The following TGM3 variants were observed in gnomAD, a reference collection of about 807,000 sequenced individuals.
The protein encoded by TGM3 is transglutaminase 3, also known as protein-glutamine gamma-glutamyltransferase E.
Under a neutral mutation model 73.8 loss-of-function variants are expected in TGM3, and 52 were observed. The ratio of observed to expected loss-of-function variants is 0.70; its 90% CI spans 0.56 to 0.89. The LOEUF is 0.89. Among genes scored for constraint, TGM3 ranks in the 40% least tolerant of loss-of-function variants. TGM3 has a pLI of 0.00. For missense variants in TGM3, 928 were observed against 909.9 expected (o/e 1.02, Z -0.26); for synonymous variants, 372 against 354.9 (o/e 1.05, Z -0.54).
intron 7 of TGM3, among the ~76,000 whole-genome samples, chr20:2,324,729 G>T (rs1382226022): frequency 6.6e-6 from 1 of 152,152 alleles, no homozygotes; most frequent in East Asian, 1.9e-4. Context: ...AGAAAGCTGT[G>T]GGCTGCCTGT....
chr20:2,322,127 A>T (rs975257212), intron 7 of TGM3, among the ~76,000 whole-genome samples: 4 of 152,016 alleles, frequency 2.6e-5, no homozygotes, highest in African/African-American at 9.7e-5. Flanking sequence ...CCGATCATGA[A>T]GGCCTGTTCA....
At chr20:2,315,172 C>T (rs1431697916) in intron 5 of TGM3, among the ~76,000 whole-genome samples, 4 of 152,190 alleles carry the variant, frequency 2.6e-5, no homozygotes, top group Non-Finnish European at 5.9e-5. Flanking sequence ...GCGGCTCCTG[C>T]AGCTGCTGAC....
intron 6 of TGM3, 43 bp downstream of exon 6, chr20:2,317,288 A>G: frequency 6.2e-7 from 1 of 1,613,800 alleles, no homozygotes; most frequent in Non-Finnish European, 8.5e-7. Context: ...AGTGGGTGGC[A>G]GTGGGCTATG....
In TGM3 at chr20:2,335,228, G is replaced by A; in HGVS notation, c.1755G>A (p.Val585=). 2 of 1,614,222 alleles carry A rather than the reference G, an allele frequency of 1.2e-6. No individual in the cohort carries two copies. The highest frequency in any genetic ancestry group is 1.1e-5 in the South Asian group (1 of 91,086). The change falls in exon 11 of 13, where the codon GTG becomes GTA. Residue 585 remains valine (V), a synonymous_variant. Coordinates refer to ENST00000381458, the MANE Select transcript of TGM3 (RefSeq NM_003245.4). ...AGGTCCCAGATGAGTCTGAGGTGGT[G>A]GTGGAGCGGGACATCATCCTGGACA... is the stretch of plus-strand genomic sequence containing the variant. ...VCKVPDESEV[V]VERDIILDNP... is the part of the protein sequence containing the mutation.
chr20:2,322,436 C>T (rs1409518145), intron 7 of TGM3, among the ~76,000 whole-genome samples: 1 of 150,902 alleles, frequency 6.6e-6, no homozygotes, highest in Non-Finnish European at 1.5e-5. Flanking sequence ...TTTTACTAAA[C>T]ATTATATCAT....
In TGM3 at chr20:2,335,216, G is replaced by T; in HGVS notation, c.1743G>T (p.Glu581Asp). Residue 581 changes from glutamate (E) to aspartate (D), a missense_variant, in exon 11 of 13, where the codon GAG (glutamate) becomes GAT (aspartate). Glu to Asp is a conservative substitution (Grantham distance 45). Coordinates refer to ENST00000381458, the MANE Select transcript of TGM3 (RefSeq NM_003245.4). ...RITAVCKVPD[E>D]SEVVVERDII... ...CAGCGGTGTGCAAGGTCCCAGATGA[G>T]TCTGAGGTGGTGGTGGAGCGGGACA... 2 of 1,614,226 alleles carry T rather than the reference G, an allele frequency of 1.2e-6. No individual in the cohort carries two copies. The highest frequency in any genetic ancestry group is 1.7e-6 in the Non-Finnish European group (2 of 1,180,034).
Position 2,332,316 on chromosome 20 carries a change from G to A in TGM3, c.1642+6G>A, listed in dbSNP as rs41279944. 16,722 of 1,572,498 alleles carry A rather than the reference G, an allele frequency of 0.011. 123 individuals are homozygous for A. The highest frequency in any genetic ancestry group is 0.013 in the Non-Finnish European group (14,934 of 1,157,930). On this transcript the variant is annotated splice_donor_region_variant and intron_variant, in intron 10 of 12. Coordinates refer to ENST00000381458, the MANE Select transcript of TGM3 (RefSeq NM_003245.4). This position sits in a 1 kb window ranked among gnomAD's most constrained non-coding sequence, Gnocchi z 4.4. The stretch of plus-strand genomic sequence containing the variant: ...GTCCCTGGACCCTGAGGAAGGTAAC[G>A]CATCCCGCAGTTGGAGGAGATCCAC...
chr20:2,300,088 C>T (rs148298151), intron 1 of TGM3, among the ~76,000 whole-genome samples: 27 of 129,356 alleles, frequency 2.1e-4, no homozygotes, highest in African/African-American at 7.7e-4. Flanking sequence ...GCTTGGGCAA[C>T]AGAGAGAGAC....
At chr20:2,311,869 C>G (rs924656299) in intron 4 of TGM3, among the ~76,000 whole-genome samples, 1 of 151,774 alleles carries the variant, frequency 6.6e-6, no homozygotes, top group African/African-American at 2.4e-5. Flanking sequence ...TAGAAAGGAG[C>G]CTTTGATCAG....
chr20:2,312,074 C>A (rs1389961892), intron 4 of TGM3, among the ~76,000 whole-genome samples: 5 of 152,146 alleles, frequency 3.3e-5, no homozygotes, highest in Admixed American at 6.6e-5. Context: ...ATTTTTATAA[C>A]TAGTTCTCCA....
intron 1 of TGM3, among the ~76,000 whole-genome samples, chr20:2,306,529 T>A (rs2084177646): frequency 6.7e-6 from 1 of 148,270 alleles, no homozygotes; most frequent in Non-Finnish European, 1.5e-5. Context: ...CAGGCTGGAG[T>A]GCAGTGGCAT....
At chr20:2,302,608 G>T (rs368763113) in intron 1 of TGM3, among the ~76,000 whole-genome samples, 1 of 150,426 alleles carries the variant, frequency 6.6e-6, no homozygotes, top group Non-Finnish European at 1.5e-5. Context: ...TAAGATGTCC[G>T]CTAGAGGCTT....
At chr20:2,335,598 C>T (rs1273320041) in intron 11 of TGM3, among the ~76,000 whole-genome samples, 1 of 152,234 alleles carries the variant, frequency 6.6e-6, no homozygotes, top group Admixed American at 6.5e-5. Context: ...ATTCCCTTCT[C>T]ACTCAGCTAC....
chr20:2,314,192 C>T (rs886772889), intron 5 of TGM3, among the ~76,000 whole-genome samples: 1 of 151,764 alleles, frequency 6.6e-6, no homozygotes. Flanking sequence ...AAAAATTAGC[C>T]AAGCATGGTG....
chr20:2,311,187 G>A, intron 4 of TGM3, 58 bp downstream of exon 4: 1 of 1,411,842 alleles, frequency 7.1e-7, no homozygotes, highest in Non-Finnish European at 1.0e-6. Flanking sequence ...AAGCTCAGCA[G>A]CTTGCCCCAC....
intron 1 of TGM3, among the ~76,000 whole-genome samples, chr20:2,301,939 G>A (rs1035547212): frequency 3.9e-5 from 6 of 152,352 alleles, no homozygotes; most frequent in African/African-American, 1.4e-4. Flanking sequence ...GACCTCAGGT[G>A]ATCTTCCTGC....
At position 2,311,141 on chromosome 20, in the gene TGM3, A is replaced by G; in HGVS notation, c.540+12A>G. The G allele has an allele frequency of 1.9e-6, 3 of 1,609,530 alleles. No homozygotes were observed. The highest frequency in any genetic ancestry group is 2.6e-6 in the Non-Finnish European group (3 of 1,175,830). On this transcript the variant is annotated intron_variant, in intron 4 of 12. Coordinates refer to ENST00000381458, the MANE Select transcript of TGM3 (RefSeq NM_003245.4). ...GGAACTTTGGACAGGTAAAAGGGTCATAAGGAAGCTAAGGGTAATGTCCCT... is the reference window on the plus strand; with the variant it reads ...GGAACTTTGGACAGGTAAAAGGGTCGTAAGGAAGCTAAGGGTAATGTCCCT...
intron 11 of TGM3, among the ~76,000 whole-genome samples, chr20:2,339,234 G>A (rs2084367207): frequency 6.6e-6 from 1 of 152,210 alleles, no homozygotes; most frequent in Non-Finnish European, 1.5e-5. Context: ...CAGCTGTGGG[G>A]CCTGGGGCTG....
At chr20:2,330,725 GC>G (rs776905872) in intron 9 of TGM3, among the ~76,000 whole-genome samples, 69 of 152,290 alleles carry the variant, frequency 4.5e-4, no homozygotes, top group Middle Eastern at 3.4e-3. Flanking sequence ...AGTCATCTGG[GC>G]CAGGTGAAGT....
Sources: allele counts gnomAD v4.1 joint callset (sites outside exome capture counted in the v4.1 genomes callset), GRCh38; gene constraint gnomAD v4.1.1; non-coding constraint Gnocchi (gnomAD v3.1); transcripts MANE v1.5; gene names NCBI Gene and HGNC (gene_info 2026-07-23, HGNC 2026-07-21).